PGD: variants seen among roughly 807,000 people sequenced by gnomAD.
The protein encoded by PGD is 6-phosphogluconate dehydrogenase, decarboxylating.
A neutral mutation model predicts 60.4 loss-of-function variants in PGD; 21 were observed. The ratio of observed to expected loss-of-function variants is 0.35; its 90% CI spans 0.25 to 0.50. The LOEUF (loss-of-function observed/expected upper bound fraction) is 0.50. PGD is among the 20% of genes least tolerant of loss of function. The pLI is 0.98. For missense variants in PGD, 477 were observed against 613.1 expected (o/e 0.78, Z 2.34); for synonymous variants, 230 against 235.9 (o/e 0.97, Z 0.23).
Position 10,419,987 on chromosome 1 carries a change from A to G in PGD, c.*238A>G. 1 of 513,462 alleles carries G rather than the reference A, an allele frequency of 1.9e-6. No homozygotes were observed. The highest frequency in any genetic ancestry group is 3.5e-6 in the Non-Finnish European group (1 of 284,458). 31.8% of individuals were successfully genotyped at this position (513,462 alleles called of 1,614,324 possible). A position where few individuals can be genotyped will look rare whatever the true frequency, so the allele number is the denominator to read the frequency against. ...GCTCATGTGCGTGAGAGTGGGAACC[A>G]TCTCCTTGCGGCAGTGGCTTCCGCG... is the stretch of plus-strand genomic sequence containing the variant. On this transcript the variant is annotated 3_prime_UTR_variant, in exon 13 of 13. Coordinates refer to ENST00000270776, the MANE Select transcript of PGD (RefSeq NM_002631.4).
rs979882862 is a variant in PGD at position 10,399,614 on chromosome 1, T to A, written c.9-15T>A. 1.2e-6 allele frequency: 2 copies of A among 1,612,382 alleles called. No individual in the cohort carries two copies. Among genetic ancestry groups the A allele is most frequent in the African/African-American group, 2.7e-5 (2 of 75,050 alleles). On this transcript the variant is annotated splice_polypyrimidine_tract_variant and intron_variant, in intron 1 of 12. Coordinates refer to ENST00000270776, the MANE Select transcript of PGD (RefSeq NM_002631.4). ...GGTGCTGACTCTTTCCTTTGTTCTGTTTCTGCCTCTCTAGAGCTGACATCG... is the reference window on the plus strand; with the variant it reads ...GGTGCTGACTCTTTCCTTTGTTCTGATTCTGCCTCTCTAGAGCTGACATCG...
At position 10,399,671 on chromosome 1, in the gene PGD, C is replaced by T. The variant is rs765262573; in HGVS notation, c.51C>T (p.Asn17=). Residue 17 remains asparagine, a synonymous_variant, in exon 2 of 13, where the codon AAC becomes AAT. Transcript: ENST00000270776. ...ALIGLAVMGQ[N]LILNMNDHGF... Reference sequence around the variant, plus strand: ...TCGGATTGGCCGTCATGGGCCAGAACTTAATTCTGAACATGAATGACCACG... The same window carrying T: ...TCGGATTGGCCGTCATGGGCCAGAATTTAATTCTGAACATGAATGACCACG... 6.2e-7 allele frequency: 1 copy of T among 1,614,160 alleles called. No homozygotes were observed. The highest frequency in any genetic ancestry group is 1.7e-5 in the Admixed American group (1 of 60,026).
rs1639278696 is a variant in PGD at position 10,399,627 on chromosome 1, A to G, written c.9-2A>G. On this transcript the variant is annotated splice_acceptor_variant, in intron 1 of 12. Coordinates refer to ENST00000270776, the MANE Select transcript of PGD (RefSeq NM_002631.4). LOFTEE classifies it high-confidence loss of function. ...TCCTTTGTTCTGTTTCTGCCTCTCT[A>G]GAGCTGACATCGCGCTGATCGGATT... is the stretch of plus-strand genomic sequence containing the variant. The G allele has an allele frequency of 2.5e-6, 4 of 1,613,256 alleles. No individual in the cohort carries two copies. Among genetic ancestry groups the G allele is most frequent in the Admixed American group, 1.7e-5 (1 of 60,016 alleles).
intron 5 of PGD, among the ~76,000 whole-genome samples, chr1:10,405,134 G>A (rs901676098): frequency 6.6e-6 from 1 of 151,984 alleles, no homozygotes; most frequent in Non-Finnish European, 1.5e-5. Flanking sequence ...CAGCACTTCG[G>A]GAGGCTGAGG....
chr1:10,401,663 G>T (rs1032902845), intron 3 of PGD, among the ~76,000 whole-genome samples: 3 of 152,242 alleles, frequency 2.0e-5, no homozygotes, highest in African/African-American at 7.2e-5. Context: ...TTATTCTTCA[G>T]TATAGGAAAA....
At chr1:10,403,280 T>C in intron 4 of PGD, 144 bp downstream of exon 4, 1 of 632,276 alleles carries the variant, frequency 1.6e-6, no homozygotes, top group South Asian at 1.8e-5. Flanking sequence ...TTCTCAGCCT[T>C]TTTTTCTGTT....
chr1:10,399,769 G>C, intron 2 of PGD, 65 bp downstream of exon 2: 1 of 1,379,858 alleles, frequency 7.2e-7, no homozygotes, highest in Middle Eastern at 2.0e-4. Context: ...GCCGGCGATA[G>C]GTTTGGGAGC....
intron 5 of PGD, among the ~76,000 whole-genome samples, chr1:10,405,452 C>T (rs1476795388): frequency 7.1e-6 from 1 of 141,528 alleles, no homozygotes; most frequent in Non-Finnish European, 1.6e-5. Flanking sequence ...GTGGGCAATC[C>T]GATATATATA....
chr1:10,401,745 G>T (rs1339247899), intron 3 of PGD, among the ~76,000 whole-genome samples: 1 of 152,212 alleles, frequency 6.6e-6, no homozygotes, highest in African/African-American at 2.4e-5. Flanking sequence ...GCTGGGCGCG[G>T]TGGCTCACGC....
chr1:10,410,986 GA>G (rs945321005), intron 6 of PGD, among the ~76,000 whole-genome samples: 10 of 150,002 alleles, frequency 6.7e-5, no homozygotes, highest in Non-Finnish European at 1.0e-4. Context: ...TTTATATTTT[GA>G]AAAAAAACAA....
intron 1 of PGD, 26 bp from the exon 2 acceptor site, chr1:10,399,603 C>T (rs375440605): frequency 1.9e-6 from 3 of 1,608,688 alleles, no homozygotes; most frequent in African/African-American, 1.3e-5. Flanking sequence ...CTGACTCTTT[C>T]CTTTGTTCTG....
rs1256662990 is a variant in PGD at position 10,411,365 on chromosome 1, C to G, written c.520-53C>G. 1.9e-6 allele frequency: 3 copies of G among 1,607,910 alleles called. No homozygotes were observed. The African/African-American group carries it at 4.0e-5, about 22-fold the overall frequency. On this transcript the variant is annotated intron_variant, in intron 6 of 12. Coordinates refer to ENST00000270776, the MANE Select transcript of PGD (RefSeq NM_002631.4). Reference sequence around the variant, plus strand: ...GGCATGAAAGCTGATGTGGACTTCTCTGATGTGTCGCCTGTTTCTCTGAAG... The same window carrying G: ...GGCATGAAAGCTGATGTGGACTTCTGTGATGTGTCGCCTGTTTCTCTGAAG...
At position 10,399,104 on chromosome 1, in the gene PGD, C is replaced by T. The variant is rs760703119; in HGVS notation, c.-14C>T. The T allele has an allele frequency of 3.7e-6, 6 of 1,609,842 alleles. No individual in the cohort carries two copies. The Admixed American group carries it at 5.0e-5, about 13-fold the overall frequency. ...CGCGCGTCGCCGCTCTTCGGTTCTG[C>T]TCTGTCCGCCGCCATGGCCCAGTGA... is the stretch of plus-strand genomic sequence containing the variant. On this transcript the variant is annotated 5_prime_UTR_variant, in exon 1 of 13. Coordinates refer to ENST00000270776, the MANE Select transcript of PGD (RefSeq NM_002631.4).
At chr1:10,417,305 A>G in intron 9 of PGD, 71 bp from the exon 10 acceptor site, 1 of 1,515,390 alleles carries the variant, frequency 6.6e-7, no homozygotes, top group Non-Finnish European at 9.0e-7. Flanking sequence ...GCTGATGAGA[A>G]TAAGACTGGT....
intron 8 of PGD, among the ~76,000 whole-genome samples, chr1:10,414,604 T>C (rs989947865): frequency 2.0e-5 from 3 of 151,768 alleles, no homozygotes; most frequent in African/African-American, 7.3e-5. Flanking sequence ...CTCGAACTCC[T>C]AACCTCAGGG....
At chr1:10,409,403 T>C (rs1476618317) in intron 6 of PGD, among the ~76,000 whole-genome samples, 1 of 152,090 alleles carries the variant, frequency 6.6e-6, no homozygotes, top group Non-Finnish European at 1.5e-5. Flanking sequence ...AGTAATCTTC[T>C]CATTAGTGTG....
rs1639297323 is a variant in PGD, at chr1:10,400,518, G to A, written c.210G>A (p.Arg70=). 1.2e-6 allele frequency: 2 copies of A among 1,614,124 alleles called. No individual in the cohort carries two copies. Among genetic ancestry groups the A allele is most frequent in the Non-Finnish European group, 1.7e-6 (2 of 1,180,018 alleles). Reference sequence around the variant, plus strand: ...TCTCCAAGCTGAAGAAGCCCCGGCGGATCATCCTCCTGGTGAAGGCTGGGC... The same window carrying A: ...TCTCCAAGCTGAAGAAGCCCCGGCGAATCATCCTCCTGGTGAAGGCTGGGC... ...EMVSKLKKPR[R]IILLVKAGQA... Residue 70 remains arginine (R), a synonymous_variant, in exon 3 of 13, where the codon CGG becomes CGA. Coordinates refer to ENST00000270776, the MANE Select transcript of PGD (RefSeq NM_002631.4).
In PGD at chr1:10,399,804, G is replaced by C. The variant is rs139774878; in HGVS notation, c.84+100G>C. 2,209 of 1,001,114 alleles carry C rather than the reference G, an allele frequency of 2.2e-3. 5 individuals are homozygous for C. The highest frequency in any genetic ancestry group is 2.9e-3 in the Non-Finnish European group (1,836 of 636,724). 62.0% of individuals were successfully genotyped at this position (1,001,114 alleles called of 1,614,324 possible). A position where few individuals can be genotyped will look rare whatever the true frequency, so the allele number is the denominator to read the frequency against. ...CTTACGGGTCTCCTGGCCGTGCTTT[G>C]CTAATGTGCTCTGTTGCTGCTCGTG... On this transcript the variant is annotated intron_variant, in intron 2 of 12. Coordinates refer to ENST00000270776, the MANE Select transcript of PGD (RefSeq NM_002631.4).
chr1:10,416,611 C>T (rs926989634), intron 8 of PGD, among the ~76,000 whole-genome samples: 5 of 152,050 alleles, frequency 3.3e-5, no homozygotes, highest in Non-Finnish European at 2.9e-5. Context: ...AGGTTGAGTC[C>T]GAAGAGTCAG....
Sources: gnomAD v4.1 joint callset for allele counts (sites outside exome capture counted in the v4.1 genomes callset) on GRCh38, gnomAD v4.1.1 for gene constraint, MANE v1.5 for transcripts, NCBI Gene and HGNC (gene_info 2026-07-23, HGNC 2026-07-21) for gene names.